The following ITFG1 variants were observed in gnomAD, a reference collection of about 807,000 sequenced individuals.
ITFG1 encodes integrin alpha FG-GAP repeat containing 1.
ITFG1 carries 34 observed loss-of-function variants against 81.8 expected under a neutral mutation model. That is an observed-to-expected ratio of 0.42 (90% CI 0.32 to 0.55). The LOEUF (loss-of-function observed/expected upper bound fraction) is 0.55. Ranked by LOEUF, ITFG1 falls within the 20% of genes least tolerant of loss-of-function variation. ITFG1 has a pLI of 0.17. For missense variants in ITFG1, 672 were observed against 755.4 expected, an observed-to-expected ratio of 0.89 and a Z score of 1.29; for synonymous variants, 285 against 270.6, an observed-to-expected ratio of 1.05 and a Z score of -0.52.
At chr16:47,389,116 C>G (rs1968498948) in intron 6 of ITFG1, among the ~76,000 whole-genome samples, 1 of 152,146 alleles carries the variant, frequency 6.6e-6, no homozygotes, top group South Asian at 2.1e-4. Context: ...CCGGTGATCA[C>G]CTTAATTTAA....
intron 10 of ITFG1, among the ~76,000 whole-genome samples, chr16:47,268,097 T>C (rs1225890443): frequency 2.0e-5 from 3 of 151,918 alleles, no homozygotes; most frequent in Non-Finnish European, 2.9e-5. Flanking sequence ...TAACAAAAGC[T>C]GGTTTCTTGC....
intron 6 of ITFG1, among the ~76,000 whole-genome samples, chr16:47,402,541 G>A (rs545764834): frequency 6.6e-6 from 1 of 152,204 alleles, no homozygotes; most frequent in Non-Finnish European, 1.5e-5. Context: ...ACAGCATCCC[G>A]GCTCTGGCTG....
chr16:47,199,942 A>G (rs1226383056), intron 14 of ITFG1, among the ~76,000 whole-genome samples: 1 of 151,360 alleles, frequency 6.6e-6, no homozygotes, highest in Non-Finnish European at 1.5e-5. Flanking sequence ...TAGGGTTTGC[A>G]CTCCTATCAG....
intron 6 of ITFG1, among the ~76,000 whole-genome samples, chr16:47,418,127 G>C (rs1324535087): frequency 1.3e-5 from 2 of 152,056 alleles, no homozygotes; most frequent in Non-Finnish European, 2.9e-5. Context: ...CTGATGATTA[G>C]AGATGTTGAG....
chr16:47,417,890 A>G (rs2151605390), intron 6 of ITFG1, among the ~76,000 whole-genome samples: 1 of 152,264 alleles, frequency 6.6e-6, no homozygotes, highest in African/African-American at 2.4e-5. Context: ...TGGGATAAAT[A>G]CCCATTGGTG....
chr16:47,443,275 T>C (rs1008157478), intron 5 of ITFG1, among the ~76,000 whole-genome samples: 6 of 152,082 alleles, frequency 3.9e-5, no homozygotes, highest in African/African-American at 9.7e-5. Context: ...TGTGGAGAAA[T>C]AGGAACACTT....
At position 47,184,013 on chromosome 16, in the gene ITFG1, G is replaced by A. The variant is rs911664726; in HGVS notation, c.1454-21349C>T. Among the ~76,000 whole-genome samples, 6 of 152,148 alleles carry A rather than the reference G, an allele frequency of 3.9e-5. No individual in the cohort carries two copies. In the East Asian group the frequency reaches 7.7e-4, roughly 20 times the overall value. On this transcript the variant is annotated intron_variant, in intron 14 of 17. Coordinates refer to ENST00000320640, the MANE Select transcript of ITFG1 (RefSeq NM_030790.5). ...ATGCAGAAGCCTCAGGAGCCGATGC[G>A]ATCAACTGGAAGAAAGGGTATCAGC...
At chr16:47,360,178 T>C (rs551261100) in intron 8 of ITFG1, among the ~76,000 whole-genome samples, 1 of 152,346 alleles carries the variant, frequency 6.6e-6, no homozygotes, top group Non-Finnish European at 1.5e-5. Flanking sequence ...TTTGACTGAA[T>C]CCTATGTATG....
At chr16:47,179,991 T>C (rs188029871) in intron 14 of ITFG1, among the ~76,000 whole-genome samples, 1 of 152,304 alleles carries the variant, frequency 6.6e-6, no homozygotes, top group East Asian at 1.9e-4. Context: ...AGTTTATAGA[T>C]AGCTGATAGG....
chr16:47,407,717 G>A (rs928060723), intron 6 of ITFG1, among the ~76,000 whole-genome samples: 1 of 152,170 alleles, frequency 6.6e-6, no homozygotes, highest in Non-Finnish European at 1.5e-5. Flanking sequence ...AAGGGTTGAG[G>A]TGGTTTAGGA....
intron 5 of ITFG1, among the ~76,000 whole-genome samples, chr16:47,431,184 G>C (rs939772261): frequency 3.3e-5 from 5 of 152,190 alleles, no homozygotes; most frequent in African/African-American, 1.2e-4. Flanking sequence ...GAGACAAAAG[G>C]GAGTGATTGC....
intron 14 of ITFG1, among the ~76,000 whole-genome samples, chr16:47,185,071 A>AGG (rs1965192663): frequency 6.6e-6 from 1 of 151,798 alleles, no homozygotes; most frequent in Non-Finnish European, 1.5e-5. Flanking sequence ...TTCAACAAGA[A>AGG]GAGCTAACTA....
chr16:47,314,809 C>G (rs1445914681), intron 8 of ITFG1, among the ~76,000 whole-genome samples: 1 of 151,906 alleles, frequency 6.6e-6, no homozygotes, highest in Non-Finnish European at 1.5e-5. Flanking sequence ...TTAACTCGTG[C>G]CTGAGGTAGT....
chr16:47,203,142 C>A (rs1965447960), intron 14 of ITFG1, among the ~76,000 whole-genome samples: 1 of 152,106 alleles, frequency 6.6e-6, no homozygotes, highest in South Asian at 2.1e-4. Flanking sequence ...GTGGAATATA[C>A]CTAAAATGAA....
chr16:47,161,411 TTATTTA>T (rs1964803570), intron 16 of ITFG1: 1 of 165,372 alleles, frequency 6.0e-6, no homozygotes, highest in African/African-American at 2.4e-5. Flanking sequence ...CTCAAATAAT[TTATTTA>T]AAAGATTAGT....
At chr16:47,330,234 T>C (rs982090343) in intron 8 of ITFG1, among the ~76,000 whole-genome samples, 4 of 152,010 alleles carry the variant, frequency 2.6e-5, no homozygotes, top group African/African-American at 4.8e-5. Flanking sequence ...GAAAACTGGC[T>C]AACCATATGC....
intron 8 of ITFG1, among the ~76,000 whole-genome samples, chr16:47,337,675 C>T (rs1343963159): frequency 1.3e-5 from 2 of 152,230 alleles, no homozygotes; most frequent in Non-Finnish European, 2.9e-5. Flanking sequence ...TGATCCTCAA[C>T]ACAACCAATA....
chr16:47,198,162 G>A (rs951002573), intron 14 of ITFG1, among the ~76,000 whole-genome samples: 10 of 152,108 alleles, frequency 6.6e-5, no homozygotes, highest in Admixed American at 4.6e-4. Context: ...TTTTCTATAC[G>A]TTTACTTGAA....
chr16:47,364,621 A>G (rs996299086), intron 8 of ITFG1, among the ~76,000 whole-genome samples: 1 of 152,228 alleles, frequency 6.6e-6, no homozygotes, highest in Non-Finnish European at 1.5e-5. Context: ...GACTATTGGC[A>G]TTAAAAACTG....
Sources: gnomAD v4.1 joint callset for allele counts (sites outside exome capture counted in the v4.1 genomes callset) on GRCh38, gnomAD v4.1.1 for gene constraint, MANE v1.5 for transcripts, NCBI Gene and HGNC (gene_info 2026-07-23, HGNC 2026-07-21) for gene names.